Variants in DGKB observed in about 807,000 individuals in gnomAD.
DGKB encodes diacylglycerol kinase beta.
DGKB carries 67 observed loss-of-function variants against 114.3 expected under a neutral mutation model. That is an observed-to-expected ratio of 0.59 (90% CI 0.48 to 0.72). The LOEUF is 0.72. Ranked by LOEUF, DGKB falls within the 30% of genes least tolerant of loss-of-function variation. The pLI is 0.00. For synonymous variants in DGKB, 398 were observed against 323.1 expected, an observed-to-expected ratio of 1.23 and a Z score of -2.49; for missense variants, 907 against 975.2, an observed-to-expected ratio of 0.93 and a Z score of 0.93.
In DGKB at chr7:14,753,918, A is replaced by G; in HGVS notation, c.168+10T>C. On this transcript the variant is annotated intron_variant, in intron 4 of 25. Coordinates refer to ENST00000402815, the MANE Select transcript of DGKB (RefSeq NM_001350709.2). ...AAAGACAGACTTTAATAGAAAAGAA[A>G]ATGTCTTACTTGGTTAAGAATGTCT... 6.7e-7 allele frequency: 1 copy of G among 1,486,578 alleles called. No individual in the cohort carries two copies. Among genetic ancestry groups the G allele is most frequent in the Non-Finnish European group, 9.2e-7 (1 of 1,085,270 alleles). 92.1% of individuals were successfully genotyped at this position (1,486,578 alleles called of 1,614,324 possible).
At chr7:14,544,925 C>A (rs982672045) in intron 20 of DGKB, among the ~76,000 whole-genome samples, 2 of 151,988 alleles carry the variant, frequency 1.3e-5, no homozygotes, top group African/African-American at 2.4e-5. Flanking sequence ...TCAATTTTCC[C>A]CTTTACTCAC....
chr7:14,670,634 T>C (rs550599185), intron 13 of DGKB, among the ~76,000 whole-genome samples: 1 of 152,220 alleles, frequency 6.6e-6, no homozygotes, highest in South Asian at 2.1e-4. Flanking sequence ...ATAGTCATCA[T>C]ACTGTACATT....
intron 5 of DGKB, among the ~76,000 whole-genome samples, chr7:14,728,184 G>A (rs1830301695): frequency 6.6e-6 from 1 of 152,116 alleles, no homozygotes; most frequent in African/African-American, 2.4e-5. Flanking sequence ...CCAATGATAA[G>A]GCATCTAATT....
At chr7:14,270,177 C>G (rs1798082710) in intron 23 of DGKB, among the ~76,000 whole-genome samples, 1 of 151,414 alleles carries the variant, frequency 6.6e-6, no homozygotes, top group African/African-American at 2.4e-5. Context: ...AAAAGTGATG[C>G]AGTTCTAGCC....
intron 20 of DGKB, among the ~76,000 whole-genome samples, chr7:14,514,993 T>C (rs562523771): frequency 1.3e-4 from 20 of 152,146 alleles, no homozygotes; most frequent in African/African-American, 4.8e-4. Context: ...ATAGTGAGCC[T>C]GCATGACAGA....
chr7:14,682,981 C>T (rs1821091687), intron 10 of DGKB, 140 bp from the exon 11 acceptor site: 2 of 643,198 alleles, frequency 3.1e-6, no homozygotes, highest in South Asian at 1.9e-5. Flanking sequence ...AAGGAGAAGT[C>T]CAAGTCGACT....
chr7:14,382,847 T>G (rs563364303), intron 21 of DGKB, among the ~76,000 whole-genome samples: 5 of 152,158 alleles, frequency 3.3e-5, no homozygotes, highest in African/African-American at 9.6e-5. Flanking sequence ...CCAGCCAGAG[T>G]GAACTGTGCA....
At chr7:14,953,611 T>C (rs1392862956) in intron 1 of DGKB, among the ~76,000 whole-genome samples, 2 of 152,090 alleles carry the variant, frequency 1.3e-5, no homozygotes, top group African/African-American at 4.8e-5. Flanking sequence ...CATGTAACAG[T>C]GCAGCCACAC....
At chr7:14,279,029 G>A (rs1162847322) in intron 23 of DGKB, among the ~76,000 whole-genome samples, 1 of 152,144 alleles carries the variant, frequency 6.6e-6, no homozygotes, top group African/African-American at 2.4e-5. Context: ...TGCACGCACC[G>A]TGAGCGAGCC....
intron 2 of DGKB, among the ~76,000 whole-genome samples, chr7:14,817,625 C>T (rs542635706): frequency 6.6e-6 from 1 of 152,232 alleles, no homozygotes; most frequent in African/African-American, 2.4e-5. Flanking sequence ...GTAATTTACT[C>T]ATTTTTAGAA....
intron 21 of DGKB, among the ~76,000 whole-genome samples, chr7:14,393,042 G>A (rs571565946): frequency 2.9e-5 from 3 of 103,760 alleles, no homozygotes; most frequent in Non-Finnish European, 5.7e-5. Flanking sequence ...AGGCTGGAGT[G>A]CAGTGGCACG....
At chr7:14,846,870 T>C (rs1848690965) in intron 1 of DGKB, among the ~76,000 whole-genome samples, 1 of 152,238 alleles carries the variant, frequency 6.6e-6, no homozygotes, top group South Asian at 2.1e-4. Context: ...CATTCGGCAA[T>C]ATCTAGATGA....
At position 14,787,915 on chromosome 7, in the gene DGKB, C is replaced by T. The variant is rs1840122753; in HGVS notation, c.71-30184G>A. The stretch of plus-strand genomic sequence containing the variant: ...TGCTGCTAGCAAAGAGGAGGAAACT[C>T]CCTCTCACCCAAGATCCACCACCAT... On this transcript the variant is annotated intron_variant, in intron 2 of 25. Coordinates refer to ENST00000402815, the MANE Select transcript of DGKB (RefSeq NM_001350709.2). Among the ~76,000 whole-genome samples the T allele has an allele frequency of 5.9e-5, 9 of 151,388 alleles. 1 individual carries two copies. Among genetic ancestry groups the T allele is most frequent in the Admixed American group, 5.9e-4 (9 of 15,178 alleles).
chr7:14,761,022 G>A (rs1055555259), intron 2 of DGKB, among the ~76,000 whole-genome samples: 3 of 152,110 alleles, frequency 2.0e-5, no homozygotes, highest in Non-Finnish European at 4.4e-5. Flanking sequence ...AATTTAAAGT[G>A]CTCTAGTTGA....
intron 13 of DGKB, among the ~76,000 whole-genome samples, chr7:14,667,030 C>G (rs539027259): frequency 7.2e-5 from 11 of 152,044 alleles, no homozygotes; most frequent in Non-Finnish European, 1.5e-4. Flanking sequence ...TTTATGGCAA[C>G]AGCCATTATC....
chr7:14,534,632 T>A lies in DGKB; in HGVS notation c.1770+39580A>T, dbSNP rs148049223. On this transcript the variant is annotated intron_variant, in intron 20 of 25. Transcript: ENST00000402815. ...CACACATAGGCTGAAAGTGAATCAA[T>A]AGAAGAAAGATAATCTTGGAAATGG... is the stretch of plus-strand genomic sequence containing the variant. Among the ~76,000 whole-genome samples the A allele has an allele frequency of 1.3e-4, 19 of 151,990 alleles. No individual in the cohort carries two copies. In the East Asian group the frequency reaches 3.7e-3, roughly 29 times the overall value.
At chr7:14,284,213 C>T (rs1207443719) in intron 23 of DGKB, among the ~76,000 whole-genome samples, 2 of 150,302 alleles carry the variant, frequency 1.3e-5, no homozygotes, top group South Asian at 2.1e-4. Context: ...CATGAACAGA[C>T]ACTTCTCAAA....
chr7:14,865,228 A>T lies in DGKB; in HGVS notation c.-187-23778T>A, dbSNP rs144625049. ...TTATGTTGCATTTCTCTATCTGTGA[A>T]TCCCAGTTCTTGCTTATTTATCCTC... On this transcript the variant is annotated intron_variant, in intron 1 of 25. Transcript: ENST00000402815. Among the ~76,000 whole-genome samples the T allele has an allele frequency of 2.2e-3, 338 of 152,314 alleles. 1 individual carries two copies. Among genetic ancestry groups the T allele is most frequent in the African/African-American group, 7.9e-3 (327 of 41,578 alleles).
At position 14,648,432 on chromosome 7, in the gene DGKB, G is replaced by C. The variant is rs1813636300; in HGVS notation, c.1135-18164C>G. ...TACTCCAACAGACCTGCAGCTGAGG[G>C]TCCTCTCTGTTAGACGGAAAACTAA... On this transcript the variant is annotated intron_variant, in intron 13 of 25. Coordinates refer to ENST00000402815, the MANE Select transcript of DGKB (RefSeq NM_001350709.2). Among the ~76,000 whole-genome samples the C allele has an allele frequency of 4.6e-5, 7 of 152,094 alleles. No homozygotes were observed. The South Asian group carries it at 8.3e-4, about 18-fold the overall frequency.
Sources: allele counts gnomAD v4.1 joint callset (sites outside exome capture counted in the v4.1 genomes callset), GRCh38; gene constraint gnomAD v4.1.1; transcripts MANE v1.5; gene names NCBI Gene and HGNC (gene_info 2026-07-23, HGNC 2026-07-21).